Variants in PTPRK observed in about 807,000 individuals in gnomAD.
PTPRK encodes receptor-type tyrosine-protein phosphatase kappa.
Under a neutral mutation model 178.0 loss-of-function variants are expected in PTPRK, and 75 were observed. The ratio of observed to expected loss-of-function variants is 0.42; its 90% CI spans 0.35 to 0.51. The LOEUF (loss-of-function observed/expected upper bound fraction) is 0.51, where lower values mean the gene tolerates loss of function less well. Ranked by LOEUF, PTPRK falls within the 20% of genes least tolerant of loss-of-function variation. The pLI, the probability that PTPRK is intolerant of heterozygous loss-of-function variation, is 0.02. For missense variants in PTPRK, 1,441 were observed against 1,797.8 expected (o/e 0.80, Z 3.59); for synonymous variants, 637 against 620.6 (o/e 1.03, Z -0.39).
At chr6:128,424,053 C>T (rs1664789832) in intron 1 of PTPRK, among the ~76,000 whole-genome samples, 1 of 148,362 alleles carries the variant, frequency 6.7e-6, no homozygotes, top group African/African-American at 2.5e-5. Flanking sequence ...GACACCTAGT[C>T]CCTACAAAAA....
chr6:128,305,096 G>A lies in PTPRK; in HGVS notation c.495+16943C>T, dbSNP rs530477251. The stretch of plus-strand genomic sequence containing the variant: ...GCTATAAAGATGAGCTAAACAGTAA[G>A]TTTGAAAAAGAAGACAAGAAAGAGT... On this transcript the variant is annotated intron_variant, in intron 3 of 29. Coordinates refer to ENST00000368226, the MANE Select transcript of PTPRK (RefSeq NM_002844.4). Among the ~76,000 whole-genome samples, 20 of 152,120 alleles carry A rather than the reference G, an allele frequency of 1.3e-4. No homozygotes were observed. In the South Asian group the frequency reaches 4.2e-3, roughly 32 times the overall value.
intron 2 of PTPRK, among the ~76,000 whole-genome samples, chr6:128,345,248 G>A (rs187755159): frequency 6.6e-6 from 1 of 152,126 alleles, no homozygotes; most frequent in African/African-American, 2.4e-5. Flanking sequence ...TTTTAATATG[G>A]AATATATATC....
At chr6:128,449,032 T>A (rs1847414295) in intron 1 of PTPRK, among the ~76,000 whole-genome samples, 1 of 151,990 alleles carries the variant, frequency 6.6e-6, no homozygotes, top group Non-Finnish European at 1.5e-5. Context: ...GCTAATTTTT[T>A]TTTTCCCCCA....
chr6:128,497,828 A>C (rs1331835226), intron 1 of PTPRK, among the ~76,000 whole-genome samples: 5 of 151,994 alleles, frequency 3.3e-5, no homozygotes, highest in African/African-American at 1.2e-4. Flanking sequence ...AAACAGTAAA[A>C]TCTCATTAAC....
In PTPRK at chr6:128,083,507, G is replaced by A. The variant is rs989895764; in HGVS notation, c.1575+208C>T. ...GCAACAAAAAACATGCATTTTTTAA[G>A]AATTTGAAAATTCTAGATGCCATAC... On this transcript the variant is annotated intron_variant, in intron 9 of 29. Coordinates refer to ENST00000368226, the MANE Select transcript of PTPRK (RefSeq NM_002844.4). Among the ~76,000 whole-genome samples the A allele has an allele frequency of 3.3e-5, 5 of 151,932 alleles. No homozygotes were observed. In the East Asian group the frequency reaches 5.8e-4, roughly 18 times the overall value.
chr6:128,108,330 T>G lies in PTPRK; in HGVS notation c.1163-18338A>C, dbSNP rs185018175. ...ATAAAATAACAAAAGAAGAAAAAAT[T>G]TGACTGTTGATTGTACCTAGTGCAG... On this transcript the variant is annotated intron_variant, in intron 7 of 29. Coordinates refer to ENST00000368226, the MANE Select transcript of PTPRK (RefSeq NM_002844.4). Among the ~76,000 whole-genome samples, 269 of 152,148 alleles carry G rather than the reference T, an allele frequency of 1.8e-3. 1 individual carries two copies. Among genetic ancestry groups the G allele is most frequent in the African/African-American group, 6.2e-3 (256 of 41,512 alleles).
chr6:128,236,517 T>A (rs1042256986), intron 5 of PTPRK, among the ~76,000 whole-genome samples: 3 of 151,718 alleles, frequency 2.0e-5, no homozygotes, highest in African/African-American at 7.3e-5. Context: ...CCCGGCTAAT[T>A]TTTGTATTTT....
intron 3 of PTPRK, among the ~76,000 whole-genome samples, chr6:128,245,973 T>C (rs1414484903): frequency 6.6e-6 from 1 of 152,140 alleles, no homozygotes; most frequent in Non-Finnish European, 1.5e-5. Context: ...CCCCATAATA[T>C]GAATATAATA....
chr6:128,189,067 T>G (rs1204353902), intron 6 of PTPRK, among the ~76,000 whole-genome samples: 1 of 152,078 alleles, frequency 6.6e-6, no homozygotes, highest in African/African-American at 2.4e-5. Context: ...ACATGGACTA[T>G]GATCTCATCC....
At chr6:128,184,838 A>G in intron 6 of PTPRK, 113 bp from the exon 7 acceptor site, 2 of 1,085,944 alleles carry the variant, frequency 1.8e-6, no homozygotes, top group Non-Finnish European at 2.6e-6. Context: ...AATGCATAAT[A>G]AATACTTGAA....
At chr6:128,172,433 G>C (rs191729271) in intron 7 of PTPRK, among the ~76,000 whole-genome samples, 51 of 151,860 alleles carry the variant, frequency 3.4e-4, no homozygotes, top group African/African-American at 1.1e-3. Flanking sequence ...AAAATCCTTG[G>C]AAAGTCTAAA....
chr6:128,242,486 G>A, intron 4 of PTPRK, 35 bp downstream of exon 4: 1 of 1,601,534 alleles, frequency 6.2e-7, no homozygotes. Flanking sequence ...GTGTGGAAAG[G>A]ACATAGAAAA....
At chr6:128,199,832 G>A (rs1805590862) in intron 6 of PTPRK, among the ~76,000 whole-genome samples, 1 of 152,122 alleles carries the variant, frequency 6.6e-6, no homozygotes, top group African/African-American at 2.4e-5. Context: ...ATGCTTCAAT[G>A]TACCAGATCT....
At chr6:128,149,336 G>C (rs184086006) in intron 7 of PTPRK, among the ~76,000 whole-genome samples, 125 of 151,818 alleles carry the variant, frequency 8.2e-4, no homozygotes, top group African/African-American at 2.7e-3. Context: ...GGCATATCAT[G>C]GTTAATGAAA....
intron 3 of PTPRK, among the ~76,000 whole-genome samples, chr6:128,294,342 C>T (rs1562225130): frequency 6.6e-6 from 1 of 151,954 alleles, no homozygotes; most frequent in Non-Finnish European, 1.5e-5. Context: ...TTTTTTCTCC[C>T]TATTTCTCTT....
At chr6:128,351,092 C>CG (rs1833059821) in intron 2 of PTPRK, among the ~76,000 whole-genome samples, 1 of 152,176 alleles carries the variant, frequency 6.6e-6, no homozygotes, top group Admixed American at 6.5e-5. Context: ...AAACATGACT[C>CG]ATTCAGTCTT....
chr6:128,188,589 G>A (rs1241200255), intron 6 of PTPRK, among the ~76,000 whole-genome samples: 1 of 152,158 alleles, frequency 6.6e-6, no homozygotes, highest in East Asian at 1.9e-4. Flanking sequence ...AGGAGGCAAT[G>A]ATATTACATT....
At chr6:128,179,619 T>C (rs530290020) in intron 7 of PTPRK, among the ~76,000 whole-genome samples, 4 of 152,116 alleles carry the variant, frequency 2.6e-5, no homozygotes, top group African/African-American at 9.6e-5. Flanking sequence ...TTAAATCAAA[T>C]AGTAAGTCAT....
rs538518363 is a variant in PTPRK at position 127,988,335 on chromosome 6, C to T, written c.3096+2434G>A. Among the ~76,000 whole-genome samples, 11 of 145,882 alleles carry T rather than the reference C, an allele frequency of 7.5e-5. No individual in the cohort carries two copies. In the South Asian group the frequency reaches 2.4e-3, roughly 32 times the overall value. On this transcript the variant is annotated intron_variant, in intron 21 of 29. Transcript: ENST00000368226. ...TTTTTTTTTTTTGAGACAGTGTCTCCCTCTGTCGCCCAGGCTGGAGTGCAG... is the reference window on the plus strand; with the variant it reads ...TTTTTTTTTTTTGAGACAGTGTCTCTCTCTGTCGCCCAGGCTGGAGTGCAG...
Sources: gnomAD v4.1 joint callset for allele counts (sites outside exome capture counted in the v4.1 genomes callset) on GRCh38, gnomAD v4.1.1 for gene constraint, MANE v1.5 for transcripts, NCBI Gene and HGNC (gene_info 2026-07-23, HGNC 2026-07-21) for gene names.